Variants in MYO10 observed in about 807,000 individuals in gnomAD.
The protein encoded by MYO10 is unconventional myosin-X.
In MYO10, 133 loss-of-function variants were observed where a neutral mutation model predicts 257.3. The ratio of observed to expected loss-of-function variants is 0.52; its 90% CI spans 0.45 to 0.60. The LOEUF is 0.60. MYO10 is among the 20% of genes least tolerant of loss of function. MYO10 has a pLI of 0.00. For synonymous variants in MYO10, 1,104 were observed against 1,028.6 expected, an observed-to-expected ratio of 1.07 and a Z score of -1.40; for missense variants, 2,399 against 2,635.7, an observed-to-expected ratio of 0.91 and a Z score of 1.97.
chr5:16,848,895 A>G (rs777023835), intron 2 of MYO10, among the ~76,000 whole-genome samples: 32 of 152,226 alleles, frequency 2.1e-4, no homozygotes, highest in African/African-American at 4.8e-5. Flanking sequence ...AAATATAAAT[A>G]CTACTCAGGA....
intron 2 of MYO10, among the ~76,000 whole-genome samples, chr5:16,826,320 C>T (rs1406799262): frequency 1.3e-5 from 2 of 152,098 alleles, no homozygotes; most frequent in Non-Finnish European, 1.5e-5. Context: ...GTATTTTCTC[C>T]GTCTGTAAAA....
At chr5:16,685,703 ACGCCCC>A in intron 29 of MYO10, 29 bp downstream of exon 29, 8 of 1,266,204 alleles carry the variant, frequency 6.3e-6, no homozygotes, top group Non-Finnish European at 6.7e-6. Flanking sequence ...CTGCCCCTAG[ACGCCCC>A]ACCCCCATCC....
At chr5:16,672,502 C>T (rs1348854363) in intron 37 of MYO10, among the ~76,000 whole-genome samples, 187 bp downstream of exon 37, 2 of 152,030 alleles carry the variant, frequency 1.3e-5, no homozygotes, top group South Asian at 2.1e-4. Flanking sequence ...CACGTAAGAC[C>T]GTAGCTTTAT....
chr5:16,694,950 C>T (rs1226029377), intron 26 of MYO10, among the ~76,000 whole-genome samples: 2 of 152,184 alleles, frequency 1.3e-5, no homozygotes, highest in Non-Finnish European at 2.9e-5. Flanking sequence ...GGGTGAGAAC[C>T]ATGTCCCTAT....
In MYO10 at chr5:16,928,642, G is replaced by A. The variant is rs79505016; in HGVS notation, c.21+7146C>T. ...GGGTGGATCACAAGGTCTGGAAATCGAGACCATTCTGGCCAACAAGGTGAA... is the reference window on the plus strand; with the variant it reads ...GGGTGGATCACAAGGTCTGGAAATCAAGACCATTCTGGCCAACAAGGTGAA... On this transcript the variant is annotated intron_variant, in intron 1 of 40. Transcript: ENST00000513610. Among the ~76,000 whole-genome samples the A allele has an allele frequency of 2.0e-5, 3 of 151,850 alleles. No individual in the cohort carries two copies. The South Asian group carries it at 6.2e-4, about 32-fold the overall frequency.
At chr5:16,752,652 T>C (rs540526196) in intron 19 of MYO10, among the ~76,000 whole-genome samples, 1 of 152,182 alleles carries the variant, frequency 6.6e-6, no homozygotes, top group East Asian at 1.9e-4. Flanking sequence ...GGCACTATCA[T>C]CCTTATTGTA....
At chr5:16,804,390 G>T (rs1010467709) in intron 3 of MYO10, among the ~76,000 whole-genome samples, 1 of 152,136 alleles carries the variant, frequency 6.6e-6, no homozygotes, top group Non-Finnish European at 1.5e-5. Context: ...CCCTAATGAA[G>T]TATTTTCGTA....
intron 1 of MYO10, among the ~76,000 whole-genome samples, chr5:16,894,932 A>C (rs981517691): frequency 1.3e-5 from 2 of 152,202 alleles, no homozygotes; most frequent in Non-Finnish European, 2.9e-5. Context: ...TGGCTTATGC[A>C]GCGCTACTTA....
At chr5:16,673,975 C>G in intron 35 of MYO10, 86 bp from the exon 36 acceptor site, 2 of 1,215,740 alleles carry the variant, frequency 1.6e-6, no homozygotes, top group South Asian at 2.6e-5. Context: ...GTTCTGTAGA[C>G]CAAAGCAGTG....
intron 2 of MYO10, among the ~76,000 whole-genome samples, chr5:16,832,032 T>G (rs1743177921): frequency 6.6e-6 from 1 of 152,202 alleles, no homozygotes; most frequent in Admixed American, 6.5e-5. Context: ...GGCCTCCACC[T>G]CTTGGGTTCA....
intron 38 of MYO10, 36 bp downstream of exon 38, chr5:16,671,386 C>A: frequency 6.2e-7 from 1 of 1,609,826 alleles, no homozygotes. Flanking sequence ...CCCTTGCTTG[C>A]CGGCAAAGAA....
chr5:16,773,632 A>G (rs1453702449), intron 9 of MYO10, among the ~76,000 whole-genome samples: 1 of 149,960 alleles, frequency 6.7e-6, no homozygotes, highest in Non-Finnish European at 1.5e-5. Flanking sequence ...ACTGTGCTCC[A>G]GCCTGGGCAA....
At chr5:16,705,812 C>T (rs1451963125) in intron 21 of MYO10, among the ~76,000 whole-genome samples, 1 of 152,186 alleles carries the variant, frequency 6.6e-6, no homozygotes, top group Non-Finnish European at 1.5e-5. Flanking sequence ...AACTCCATCA[C>T]AAATCATTCT....
intron 19 of MYO10, among the ~76,000 whole-genome samples, chr5:16,747,710 A>C (rs1397596467): frequency 6.6e-6 from 1 of 152,110 alleles, no homozygotes; most frequent in Non-Finnish European, 1.5e-5. Flanking sequence ...CGAGGTCAGG[A>C]GATTGAGACC....
intron 21 of MYO10, among the ~76,000 whole-genome samples, chr5:16,706,917 G>A (rs1467285824): frequency 6.6e-6 from 1 of 152,164 alleles, no homozygotes; most frequent in Non-Finnish European, 1.5e-5. Flanking sequence ...AATGACAGAA[G>A]GAAAGTGATA....
At chr5:16,916,853 AGGGTT>A in intron 1 of MYO10, among the ~76,000 whole-genome samples, 1 of 152,370 alleles carries the variant, frequency 6.6e-6, no homozygotes, top group Admixed American at 6.5e-5. Flanking sequence ...TTGCATTATC[AGGGTT>A]GGTAACAAAA....
chr5:16,818,634 T>C (rs1435233902), intron 2 of MYO10, among the ~76,000 whole-genome samples: 1 of 151,148 alleles, frequency 6.6e-6, no homozygotes, highest in Admixed American at 6.6e-5. Flanking sequence ...TACAGGGTTT[T>C]GTCATGTTGC....
chr5:16,663,444 A>G lies in MYO10; in HGVS notation c.*3248T>C, dbSNP rs1736049924. ...TAGATTGTCAGCGTCTGAAGTGATAAAATACTTTATGCTGGTGCCTCCTCA... is the reference window on the plus strand; with the variant it reads ...TAGATTGTCAGCGTCTGAAGTGATAGAATACTTTATGCTGGTGCCTCCTCA... On this transcript the variant is annotated 3_prime_UTR_variant, in exon 41 of 41. Coordinates refer to ENST00000513610, the MANE Select transcript of MYO10 (RefSeq NM_012334.3). 6.7e-6 allele frequency: 1 copy of G among 148,700 alleles called. No homozygotes were observed. Among genetic ancestry groups the G allele is most frequent in the African/African-American group, 2.5e-5 (1 of 39,946 alleles). The allele number at this position is 148,700 out of a possible 1,614,324, so 9.2% of individuals were successfully genotyped here. A position where few individuals can be genotyped will look rare whatever the true frequency, so the allele number is the denominator to read the frequency against.
intron 3 of MYO10, among the ~76,000 whole-genome samples, chr5:16,812,793 T>C (rs1560997500): frequency 6.6e-6 from 1 of 152,116 alleles, no homozygotes. Flanking sequence ...GGGATTATGA[T>C]ATCTGACCTT....
Sources: gnomAD v4.1 joint callset for allele counts (sites outside exome capture counted in the v4.1 genomes callset) on GRCh38, gnomAD v4.1.1 for gene constraint, MANE v1.5 for transcripts, NCBI Gene and HGNC (gene_info 2026-07-23, HGNC 2026-07-21) for gene names.